The following CFAP299 variants were observed in gnomAD, a reference collection of about 807,000 sequenced individuals.
CFAP299 encodes the protein cilia and flagella associated protein 299.
Under a neutral mutation model 27.0 loss-of-function variants are expected in CFAP299, and 21 were observed. The observed-to-expected ratio is 0.78, with a 90% CI of 0.55 to 1.12. The LOEUF (loss-of-function observed/expected upper bound fraction) is 1.12, where lower values mean the gene tolerates loss of function less well. Among genes scored for constraint, CFAP299 ranks in the 50% most tolerant of loss-of-function variants. CFAP299 has a pLI of 0.00. For synonymous variants in CFAP299, 104 were observed against 98.1 expected, an observed-to-expected ratio of 1.06 and a Z score of -0.36; for missense variants, 310 against 276.6, an observed-to-expected ratio of 1.12 and a Z score of -0.86.
At chr4:80,398,122 A>G (rs553477977) in intron 2 of CFAP299, among the ~76,000 whole-genome samples, 1 of 152,290 alleles carries the variant, frequency 6.6e-6, no homozygotes, top group Admixed American at 6.5e-5. Flanking sequence ...TAGGAATCCA[A>G]CTTACAAGGC....
chr4:80,519,539 A>G (rs1732797602), intron 2 of CFAP299, among the ~76,000 whole-genome samples: 1 of 152,194 alleles, frequency 6.6e-6, no homozygotes, highest in African/African-American at 2.4e-5. Context: ...ATACAATTGC[A>G]GTGAATTAAA....
At chr4:80,713,676 C>T (rs1003315017) in intron 3 of CFAP299, among the ~76,000 whole-genome samples, 2 of 152,164 alleles carry the variant, frequency 1.3e-5, no homozygotes, top group Non-Finnish European at 2.9e-5. Context: ...GAGATAGTCA[C>T]ACAACTAAGC....
intron 5 of CFAP299, among the ~76,000 whole-genome samples, chr4:80,959,096 A>G (rs1410457041): frequency 6.6e-6 from 1 of 152,162 alleles, no homozygotes; most frequent in Non-Finnish European, 1.5e-5. Flanking sequence ...TATGCAAAAC[A>G]ATGATAATAA....
chr4:80,544,334 GA>G (rs1340862679), intron 2 of CFAP299, among the ~76,000 whole-genome samples: 1 of 152,128 alleles, frequency 6.6e-6, no homozygotes, highest in Non-Finnish European at 1.5e-5. Context: ...CATGATAACA[GA>G]ATCAAATCCT....
At chr4:80,582,113 A>G (rs978679545) in intron 2 of CFAP299, among the ~76,000 whole-genome samples, 1 of 151,820 alleles carries the variant, frequency 6.6e-6, no homozygotes, top group African/African-American at 2.4e-5. Flanking sequence ...CTTTGTATTT[A>G]CTGATAACTC....
chr4:80,371,217 G>T (rs1005290541), intron 2 of CFAP299, among the ~76,000 whole-genome samples: 16 of 152,216 alleles, frequency 1.1e-4, no homozygotes, highest in Admixed American at 5.9e-4. Flanking sequence ...GCAGGGACTG[G>T]TGTCCTGAAA....
intron 2 of CFAP299, among the ~76,000 whole-genome samples, chr4:80,413,313 G>A (rs1030399300): frequency 6.6e-6 from 1 of 152,250 alleles, no homozygotes; most frequent in African/African-American, 2.4e-5. Context: ...AAAGCAGCAG[G>A]CATCCCAGAG....
intron 3 of CFAP299, among the ~76,000 whole-genome samples, chr4:80,776,000 C>T (rs899144463): frequency 5.3e-5 from 8 of 152,096 alleles, no homozygotes; most frequent in African/African-American, 1.9e-4. Context: ...GCTCAGGTTG[C>T]ATCTCTTTTT....
intron 3 of CFAP299, among the ~76,000 whole-genome samples, chr4:80,720,863 C>G (rs964798622): frequency 6.6e-6 from 1 of 151,880 alleles, no homozygotes; most frequent in African/African-American, 2.4e-5. Flanking sequence ...TACCTATATT[C>G]CATATTCAAA....
intron 3 of CFAP299, among the ~76,000 whole-genome samples, chr4:80,628,626 A>G (rs1331034334): frequency 1.3e-5 from 2 of 152,198 alleles, no homozygotes; most frequent in African/African-American, 2.4e-5. Context: ...AATTCAAACA[A>G]TTCAATAGCA....
chr4:80,637,737 A>G (rs904451037), intron 3 of CFAP299, among the ~76,000 whole-genome samples: 9 of 152,190 alleles, frequency 5.9e-5, no homozygotes, highest in African/African-American at 2.2e-4. Flanking sequence ...CTATTAGATG[A>G]CTTAAAAGAA....
At chr4:80,844,729 C>G (rs1183683306) in intron 3 of CFAP299, among the ~76,000 whole-genome samples, 1 of 152,118 alleles carries the variant, frequency 6.6e-6, no homozygotes. Context: ...ATGGTAGTTT[C>G]TTTTGCTGTG....
At chr4:80,947,310 A>G (rs1418887568) in intron 5 of CFAP299, among the ~76,000 whole-genome samples, 3 of 152,214 alleles carry the variant, frequency 2.0e-5, no homozygotes, top group Non-Finnish European at 4.4e-5. Context: ...ACATTTGGAT[A>G]CGTATATTTC....
chr4:80,447,170 C>G (rs1193371847), intron 2 of CFAP299, among the ~76,000 whole-genome samples: 2 of 107,728 alleles, frequency 1.9e-5, no homozygotes, highest in African/African-American at 7.6e-5. Flanking sequence ...GAGTCTCGCT[C>G]TGTCACCCAG....
At chr4:80,488,589 C>T (rs1463441226) in intron 2 of CFAP299, among the ~76,000 whole-genome samples, 3 of 151,740 alleles carry the variant, frequency 2.0e-5, no homozygotes, top group African/African-American at 7.3e-5. Context: ...TCCTGCTGCC[C>T]CAGCCTCCCT....
intron 3 of CFAP299, among the ~76,000 whole-genome samples, chr4:80,863,075 T>G (rs1352630746): frequency 6.6e-6 from 1 of 152,086 alleles, no homozygotes; most frequent in African/African-American, 2.4e-5. Flanking sequence ...CCTTCATTTG[T>G]CTCTATCAGA....
chr4:80,631,871 C>G (rs957649154), intron 3 of CFAP299, among the ~76,000 whole-genome samples: 4 of 120,696 alleles, frequency 3.3e-5, no homozygotes, highest in African/African-American at 8.5e-5. Flanking sequence ...CCCACCCCCC[C>G]CCAACCAAAT....
intron 2 of CFAP299, among the ~76,000 whole-genome samples, chr4:80,482,469 G>A (rs1730613292): frequency 6.6e-6 from 1 of 152,040 alleles, no homozygotes; most frequent in Non-Finnish European, 1.5e-5. Flanking sequence ...AAATATCTTG[G>A]CATGCAGGCT....
At chr4:80,695,810 G>C (rs1721051464) in intron 3 of CFAP299, among the ~76,000 whole-genome samples, 1 of 150,906 alleles carries the variant, frequency 6.6e-6, no homozygotes, top group Non-Finnish European at 1.5e-5. Context: ...CACACACCAA[G>C]ACACCAGGAT....
Sources: allele counts gnomAD v4.1 joint callset (sites outside exome capture counted in the v4.1 genomes callset), GRCh38; gene constraint gnomAD v4.1.1; transcripts MANE v1.5; gene names NCBI Gene and HGNC (gene_info 2026-07-23, HGNC 2026-07-21).